TIGD5: variants seen among roughly 807,000 people sequenced by gnomAD.
TIGD5 encodes the protein tigger transposable element-derived protein 5.
In TIGD5, 24 loss-of-function variants were observed where a neutral mutation model predicts 28.8. That is an observed-to-expected ratio of 0.83 (90% CI 0.60 to 1.17). The LOEUF is 1.17. Among genes scored for constraint, TIGD5 ranks in the 50% most tolerant of loss-of-function variants. The probability of loss-of-function intolerance (pLI) is 0.00; values close to 1 mark genes in which losing one functional copy is unlikely to be tolerated. For synonymous variants in TIGD5, 538 were observed against 430.5 expected (o/e 1.25, Z -3.09); for missense variants, 922 against 911.4 (o/e 1.01, Z -0.15).
Position 143,598,664 on chromosome 8 carries a change from C to T in TIGD5, c.761C>T (p.Ala254Val). Residue 254 changes from alanine to valine, a missense_variant, in exon 1 of 1, where the codon GCG becomes GTG. Ala to Val is a moderately conservative substitution (Grantham distance 64). Coordinates refer to ENST00000504548, the MANE Select transcript of TIGD5 (RefSeq NM_032862.5). The surrounding 1 kb of genome is among the most constrained non-coding windows in gnomAD (Gnocchi z 6.6). Reference sequence around the variant, plus strand: ...TGGAAGCTGCTTCCGGAGCAGGCTGCGCCCCCGGGCGCAGGGGACCCCGGG... The same window carrying T: ...TGGAAGCTGCTTCCGGAGCAGGCTGTGCCCCCGGGCGCAGGGGACCCCGGG... The part of the protein sequence containing the change: ...LYWKLLPEQA[A>V]PPGAGDPGAG... The T allele has an allele frequency of 1.3e-6, 2 of 1,498,940 alleles. No homozygotes were observed. The highest frequency in any genetic ancestry group is 2.5e-5 in the South Asian group (2 of 80,536). The allele number at this position is 1,498,940 out of a possible 1,614,324, so 92.9% of individuals were successfully genotyped here. A position where few individuals can be genotyped will look rare whatever the true frequency, so the allele number is the denominator to read the frequency against.
chr8:143,599,660 C>T lies in TIGD5; in HGVS notation c.1757C>T (p.Pro586Leu), dbSNP rs1332563177. 4.6e-6 allele frequency: 7 copies of T among 1,518,688 alleles called. No individual in the cohort carries two copies. The highest frequency in any genetic ancestry group is 2.8e-5 in the African/African-American group (2 of 71,648). 94.1% of individuals were successfully genotyped at this position (1,518,688 alleles called of 1,614,324 possible). ...ACCGACTATGGAGGGACCTCAGTGC[C>T]GACTGCCGGGGAGGCCGTGCGGGGG... Reference protein sequence around the residue: ...EATDYGGTSVPTAGEAVRGLE... With the variant: ...EATDYGGTSVLTAGEAVRGLE... The change falls in exon 1 of 1, where the codon CCG becomes CTG. Residue 586 changes from proline (P) to leucine (L), a missense_variant. Transcript: ENST00000504548.
chr8:143,600,120 G>A lies in TIGD5; in HGVS notation c.*288G>A. ...AGCGCCTGTTGGAACAGGTGGCTGT[G>A]TTCCTGCTCTGGCCCCCGTGGGGCT... On this transcript the variant is annotated 3_prime_UTR_variant, in exon 1 of 1. Coordinates refer to ENST00000504548, the MANE Select transcript of TIGD5 (RefSeq NM_032862.5). 1 of 369,620 alleles carries A rather than the reference G, an allele frequency of 2.7e-6. No individual in the cohort carries two copies. The highest frequency in any genetic ancestry group is 4.8e-6 in the Non-Finnish European group (1 of 207,762). The allele number at this position is 369,620 out of a possible 1,614,324, so 22.9% of individuals were successfully genotyped here.
Position 143,602,113 on chromosome 8 carries a change from A to AAAAAG in TIGD5, c.*2281_*2282insAAAAG, listed in dbSNP as rs1829275822. On this transcript the variant is annotated 3_prime_UTR_variant, in exon 1 of 1. Transcript: ENST00000504548. ...TCTGTCTCAAAAAAAAAAAAAAAAA[A>AAAAAG]GTGCAGGTGCACGCTGGTGGGGACA... 6.6e-6 allele frequency: 1 copy of AAAAAG among 151,448 alleles called. No homozygotes were observed. The highest frequency in any genetic ancestry group is 1.5e-5 in the Non-Finnish European group (1 of 67,818). 9.4% of individuals were successfully genotyped at this position (151,448 alleles called of 1,614,324 possible). A position where few individuals can be genotyped will look rare whatever the true frequency, so the allele number is the denominator to read the frequency against.
In TIGD5 at chr8:143,598,309, C is replaced by CGCCAGCACGGGGTGCCGCTGT; in HGVS notation, c.407_427dup (p.Leu142_Ser143insCysGlnHisGlyValProLeu). 1 of 1,608,882 alleles carries CGCCAGCACGGGGTGCCGCTGT rather than the reference C, an allele frequency of 6.2e-7. No individual in the cohort carries two copies. The highest frequency in any genetic ancestry group is 8.5e-7 in the Non-Finnish European group (1 of 1,178,470). ...CGTGTACGCCTGGTTCCTGGCGCTG[C>CGCCAGCACGGGGTGCCGCTGT]GCCAGCACGGGGTGCCGCTGTCTGG... On this transcript the variant is annotated inframe_insertion, in exon 1 of 1. Coordinates refer to ENST00000504548, the MANE Select transcript of TIGD5 (RefSeq NM_032862.5). This position sits in a 1 kb window ranked among gnomAD's most constrained non-coding sequence, Gnocchi z 6.6.
Position 143,598,566 on chromosome 8 carries a change from GGC to G in TIGD5, c.664_665del (p.Ala222ProfsTer112). 7.6e-7 allele frequency: 1 copy of G among 1,321,540 alleles called. No individual in the cohort carries two copies. Among genetic ancestry groups the G allele is most frequent in the Non-Finnish European group, 9.6e-7 (1 of 1,043,214 alleles). The allele number at this position is 1,321,540 out of a possible 1,614,324, so 81.9% of individuals were successfully genotyped here. On this transcript the variant is annotated frameshift_variant, in exon 1 of 1. Transcript: ENST00000504548. LOFTEE classifies it high-confidence loss of function. The surrounding 1 kb of genome is among the most constrained non-coding windows in gnomAD (Gnocchi z 6.6). ...CCGGCCCCCTGCCCGACCGCGCCCC[GGC>G]CCCGCCGCCCCCGGCCGAGGGCGGC... ...GAGPLPDRAP[A>X]PPPPAEGGYG... is the part of the protein sequence containing the mutation.
rs900192037 is a variant in TIGD5, at chr8:143,598,524, C to G, written c.621C>G (p.Pro207=). Residue 207 remains proline (P), a synonymous_variant, in exon 1 of 1, where the codon CCC becomes CCG. Coordinates refer to ENST00000504548, the MANE Select transcript of TIGD5 (RefSeq NM_032862.5). This position sits in a 1 kb window ranked among gnomAD's most constrained non-coding sequence, Gnocchi z 6.6. ...CCGGCCCGCCCGTCAAGGAGGAGCC[C>G]GCGCTGCCCTCCGGCGCCGGCCCCC... ...PAPGPPVKEE[P]ALPSGAGPLP... 2 of 1,324,036 alleles carry G rather than the reference C, an allele frequency of 1.5e-6. No homozygotes were observed. The highest frequency in any genetic ancestry group is 4.1e-5 in the Admixed American group (1 of 24,130). 82.0% of individuals were successfully genotyped at this position (1,324,036 alleles called of 1,614,324 possible).
chr8:143,599,086 C>A lies in TIGD5; in HGVS notation c.1183C>A (p.Pro395Thr). 1.3e-6 allele frequency: 2 copies of A among 1,577,486 alleles called. No homozygotes were observed. Among genetic ancestry groups the A allele is most frequent in the Middle Eastern group, 3.4e-4 (2 of 5,892 alleles). The change falls in exon 1 of 1, where the codon CCG becomes ACG. Residue 395 changes from proline to threonine, a missense_variant. Physicochemically the swap from Pro to Thr is conservative, Grantham distance 38. Around this residue, in one of 3 missense-constraint regions of TIGD5, gnomAD observed 821 missense variants for 815.2 expected, o/e 1.01. Transcript: ENST00000504548. ...PLGPPEELQT[P>T]DGAVRVLFLS... is the part of the protein sequence containing the mutation. The stretch of plus-strand genomic sequence containing the variant: ...CGGTCCCCCGGAGGAGCTGCAGACA[C>A]CGGATGGCGCTGTGCGGGTGCTGTT...
Position 143,602,037 on chromosome 8 carries a change from A to G in TIGD5, c.*2205A>G, listed in dbSNP as rs1829272506. 1 of 149,482 alleles carries G rather than the reference A, an allele frequency of 6.7e-6. No homozygotes were observed. Among genetic ancestry groups the G allele is most frequent in the Non-Finnish European group, 1.5e-5 (1 of 67,634 alleles). 9.3% of individuals were successfully genotyped at this position (149,482 alleles called of 1,614,324 possible). A position where few individuals can be genotyped will look rare whatever the true frequency, so the allele number is the denominator to read the frequency against. On this transcript the variant is annotated 3_prime_UTR_variant, in exon 1 of 1. Transcript: ENST00000504548. ...CTTGAAGCCAGAAGGCAGAGATTGCAGTGAGCCAAGATCACAACACCGCGC... is the reference window on the plus strand; with the variant it reads ...CTTGAAGCCAGAAGGCAGAGATTGCGGTGAGCCAAGATCACAACACCGCGC...
In TIGD5 at chr8:143,599,092, G is replaced by A. The variant is rs1245665959; in HGVS notation, c.1189G>A (p.Gly397Ser). ...CCCGGAGGAGCTGCAGACACCGGAT[G>A]GCGCTGTGCGGGTGCTGTTCCTGTC... ...GPPEELQTPD[G>S]AVRVLFLSKG... The change falls in exon 1 of 1, where the codon GGC (glycine) becomes AGC (serine). Residue 397 changes from glycine to serine, a missense_variant. By Grantham distance (56) the Gly-to-Ser change is moderately conservative. Coordinates refer to ENST00000504548, the MANE Select transcript of TIGD5 (RefSeq NM_032862.5). 1.3e-6 allele frequency: 2 copies of A among 1,578,304 alleles called. No homozygotes were observed. Among genetic ancestry groups the A allele is most frequent in the African/African-American group, 1.3e-5 (1 of 74,348 alleles).
At position 143,600,729 on chromosome 8, in the gene TIGD5, C is replaced by T. The variant is rs1829248471; in HGVS notation, c.*897C>T. 1 of 152,316 alleles carries T rather than the reference C, an allele frequency of 6.6e-6. No homozygotes were observed. Among genetic ancestry groups the T allele is most frequent in the Non-Finnish European group, 1.5e-5 (1 of 68,096 alleles). The allele number at this position is 152,316 out of a possible 1,614,324, so 9.4% of individuals were successfully genotyped here. A position where few individuals can be genotyped will look rare whatever the true frequency, so the allele number is the denominator to read the frequency against. On this transcript the variant is annotated 3_prime_UTR_variant, in exon 1 of 1. Coordinates refer to ENST00000504548, the MANE Select transcript of TIGD5 (RefSeq NM_032862.5). Reference sequence around the variant, plus strand: ...ACCCTCTGTGGGCTCTCCTCCCCACCCTCAGACTTTTCTGCCTCTCCTGGG... The same window carrying T: ...ACCCTCTGTGGGCTCTCCTCCCCACTCTCAGACTTTTCTGCCTCTCCTGGG...
rs1198679573 is a variant in TIGD5 at position 143,599,328 on chromosome 8, C to A, written c.1425C>A (p.Arg475=). Residue 475 remains arginine (R), a synonymous_variant, in exon 1 of 1, where the codon CGC becomes CGA. Coordinates refer to ENST00000504548, the MANE Select transcript of TIGD5 (RefSeq NM_032862.5). The part of the protein sequence containing the change: ...WDLVQAGSIE[R]CWLLGLRAAF... The stretch of plus-strand genomic sequence containing the variant: ...TGGTGCAGGCGGGCAGCATTGAGCG[C>A]TGCTGGCTGCTGGGCCTGCGGGCTG... The A allele has an allele frequency of 6.3e-7, 1 of 1,596,916 alleles. No homozygotes were observed. Among genetic ancestry groups the A allele is most frequent in the Non-Finnish European group, 8.5e-7 (1 of 1,172,894 alleles).
chr8:143,602,532 C>T lies in TIGD5; in HGVS notation c.*2700C>T, dbSNP rs73718114. On this transcript the variant is annotated 3_prime_UTR_variant, in exon 1 of 1. Transcript: ENST00000504548. ...TTTCCCAAAGCTGCGCGGGTGCCAT[C>T]GCCTGCCAGGCCCTGGCTGTGGTGA... 0.18 allele frequency: 27,550 copies of T among 152,284 alleles called. 2,557 individuals are homozygous for T. The highest frequency in any genetic ancestry group is 0.26 in the Middle Eastern group (76 of 294). The allele number at this position is 152,284 out of a possible 1,614,324, so 9.4% of individuals were successfully genotyped here. A position where few individuals can be genotyped will look rare whatever the true frequency, so the allele number is the denominator to read the frequency against.
chr8:143,598,455 G>C lies in TIGD5; in HGVS notation c.552G>C (p.Gln184His). ...RWQKRHGISS[Q>H]RFYGEAGPPA... ...AGAAGCGCCACGGCATCTCCAGCCA[G>C]CGCTTCTACGGCGAGGCCGGGCCCC... The change falls in exon 1 of 1, where the codon CAG (glutamine) becomes CAC (histidine). Residue 184 changes from glutamine (Q) to histidine (H), a missense_variant. This residue lies in a region of TIGD5 where 821 missense variants were observed against 815.2 expected (regional missense o/e 1.01). Transcript: ENST00000504548. The surrounding 1 kb of genome is among the most constrained non-coding windows in gnomAD (Gnocchi z 6.6). 6.8e-7 allele frequency: 1 copy of C among 1,479,864 alleles called. No individual in the cohort carries two copies. The highest frequency in any genetic ancestry group is 8.9e-7 in the Non-Finnish European group (1 of 1,118,822). 91.7% of individuals were successfully genotyped at this position (1,479,864 alleles called of 1,614,324 possible).
rs768245605 is a variant in TIGD5 at position 143,598,772 on chromosome 8, A to G, written c.869A>G (p.Lys290Arg). 6.3e-7 allele frequency: 1 copy of G among 1,594,592 alleles called. No homozygotes were observed. The highest frequency in any genetic ancestry group is 1.1e-5 in the South Asian group (1 of 89,828). The change falls in exon 1 of 1, where the codon AAG (lysine) becomes AGG (arginine). Residue 290 changes from lysine (K) to arginine (R), a missense_variant. By Grantham distance (26) the Lys-to-Arg change is conservative. Transcript: ENST00000504548. The surrounding 1 kb of genome is among the most constrained non-coding windows in gnomAD (Gnocchi z 6.6). ...AACCTGACCGGCAGCCACAAGCTGA[A>G]GCCGCTGGTCATCGGGCGGCTGCCG... is the stretch of plus-strand genomic sequence containing the variant. Reference protein sequence around the residue: ...AANLTGSHKLKPLVIGRLPDP... With the variant: ...AANLTGSHKLRPLVIGRLPDP...
Position 143,598,568 on chromosome 8 carries a change from C to T in TIGD5, c.665C>T (p.Ala222Val), listed in dbSNP as rs1206579107. Residue 222 changes from alanine to valine, a missense_variant, in exon 1 of 1, where the codon GCC (alanine) becomes GTC (valine). Physicochemically the swap from Ala to Val is moderately conservative, Grantham distance 64. This residue lies in a region of TIGD5 where 821 missense variants were observed against 815.2 expected (regional missense o/e 1.01). Transcript: ENST00000504548. This position sits in a 1 kb window ranked among gnomAD's most constrained non-coding sequence, Gnocchi z 6.6. ...GGCCCCCTGCCCGACCGCGCCCCGG[C>T]CCCGCCGCCCCCGGCCGAGGGCGGC... The part of the protein sequence containing the change: ...GAGPLPDRAP[A>V]PPPPAEGGYG... 5.3e-6 allele frequency: 7 copies of T among 1,325,530 alleles called. No individual in the cohort carries two copies. In the South Asian group the frequency reaches 6.1e-5, roughly 12 times the overall value. 82.1% of individuals were successfully genotyped at this position (1,325,530 alleles called of 1,614,324 possible). A position where few individuals can be genotyped will look rare whatever the true frequency, so the allele number is the denominator to read the frequency against.
Position 143,599,573 on chromosome 8 carries a change from C to G in TIGD5, c.1670C>G (p.Ala557Gly). The G allele has an allele frequency of 1.3e-6, 2 of 1,535,016 alleles. No individual in the cohort carries two copies. The part of the protein sequence containing the change: ...EEVGPALPPA[A>G]PPAPASLPSA... ...GTGGGCCCAGCCCTGCCCCCTGCAGCGCCTCCGGCCCCAGCCAGTCTGCCC... is the reference window on the plus strand; with the variant it reads ...GTGGGCCCAGCCCTGCCCCCTGCAGGGCCTCCGGCCCCAGCCAGTCTGCCC... Residue 557 changes from alanine to glycine, a missense_variant, in exon 1 of 1, where the codon GCG (alanine) becomes GGG (glycine). Around this residue, in one of 3 missense-constraint regions of TIGD5, gnomAD observed 821 missense variants for 815.2 expected, o/e 1.01. Transcript: ENST00000504548.
chr8:143,599,527 CCCGAGGGCTG>C lies in TIGD5; in HGVS notation c.1626_1635del (p.Glu543GlyfsTer50), dbSNP rs1829220992. ...GCACCTGGACGATGATGGGGGTCCG[CCCGAGGGCTG>C]CAGGGAGGAGGTGGGCCCAGCCCTG... On this transcript the variant is annotated frameshift_variant, in exon 1 of 1. Transcript: ENST00000504548. LOFTEE classifies it low-confidence loss of function (END_TRUNC). 1 of 1,582,776 alleles carries C rather than the reference CCCGAGGGCTG, an allele frequency of 6.3e-7. No homozygotes were observed. The highest frequency in any genetic ancestry group is 8.6e-7 in the Non-Finnish European group (1 of 1,165,888).
rs1829272391 is a variant in TIGD5, at chr8:143,602,030, A to G, written c.*2198A>G. 1 of 147,318 alleles carries G rather than the reference A, an allele frequency of 6.8e-6. No homozygotes were observed. The allele number at this position is 147,318 out of a possible 1,614,324, so 9.1% of individuals were successfully genotyped here. A position where few individuals can be genotyped will look rare whatever the true frequency, so the allele number is the denominator to read the frequency against. On this transcript the variant is annotated 3_prime_UTR_variant, in exon 1 of 1. Transcript: ENST00000504548. The stretch of plus-strand genomic sequence containing the variant: ...AGAAATGCTTGAAGCCAGAAGGCAG[A>G]GATTGCAGTGAGCCAAGATCACAAC...
In TIGD5 at chr8:143,603,188, TATCTAATA is replaced by T. The variant is rs1319788590; in HGVS notation, c.*3358_*3365del. ...CCTGGTCAGATGGGCCCAGTGGCTTTATCTAATAAAGGCTGGACATGTCCACTTCATGA... is the reference window on the plus strand; with the variant it reads ...CCTGGTCAGATGGGCCCAGTGGCTTTAAGGCTGGACATGTCCACTTCATGA... On this transcript the variant is annotated 3_prime_UTR_variant, in exon 1 of 1. Coordinates refer to ENST00000504548, the MANE Select transcript of TIGD5 (RefSeq NM_032862.5). The T allele has an allele frequency of 6.6e-6, 1 of 152,210 alleles. No individual in the cohort carries two copies. Among genetic ancestry groups the T allele is most frequent in the Non-Finnish European group, 1.5e-5 (1 of 68,040 alleles). The allele number at this position is 152,210 out of a possible 1,614,324, so 9.4% of individuals were successfully genotyped here. A position where few individuals can be genotyped will look rare whatever the true frequency, so the allele number is the denominator to read the frequency against.
Sources: allele counts gnomAD v4.1 joint callset, GRCh38; gene constraint gnomAD v4.1.1; regional missense constraint gnomAD v4.1.1; non-coding constraint Gnocchi (gnomAD v3.1); transcripts MANE v1.5; gene names NCBI Gene and HGNC (gene_info 2026-07-23, HGNC 2026-07-21).